KAZN: variants seen among roughly 807,000 people sequenced by gnomAD.
KAZN encodes kazrin, periplakin interacting protein.
A neutral mutation model predicts 87.4 loss-of-function variants in KAZN; 40 were observed. That is an observed-to-expected ratio of 0.46 (90% CI 0.36 to 0.60). The LOEUF (loss-of-function observed/expected upper bound fraction) is 0.60. Among genes scored for constraint, KAZN ranks in the 20% least tolerant of loss-of-function variants. KAZN has a pLI of 0.00. For missense variants in KAZN, 898 were observed against 1,073.9 expected (o/e 0.84, Z 2.29); for synonymous variants, 466 against 458.3 (o/e 1.02, Z -0.22).
chr1:13,900,362 A>G (rs1433574459), intron 1 of KAZN, among the ~76,000 whole-genome samples: 4 of 152,094 alleles, frequency 2.6e-5, no homozygotes, highest in Non-Finnish European at 5.9e-5. Context: ...CTCAGCCCCA[A>G]GGTAAAGTAT....
At chr1:14,122,309 C>A (rs1644768903) in intron 1 of KAZN, among the ~76,000 whole-genome samples, 2 of 152,168 alleles carry the variant, frequency 1.3e-5, no homozygotes, top group South Asian at 4.2e-4. Context: ...TTGAGTAATT[C>A]AATAAAACCC....
In KAZN at chr1:14,556,410, G is replaced by A. The variant is rs1409221100; in HGVS notation, c.250-42573G>A. Among the ~76,000 whole-genome samples, 4 of 152,020 alleles carry A rather than the reference G, an allele frequency of 2.6e-5. 1 individual carries two copies. The highest frequency in any genetic ancestry group is 3.9e-4 in the East Asian group (2 of 5,162). ...AGGTGTGAGCCCCCGTGCCCGGCGG[G>A]GGAAGAGCAGTTCTTAAGCACAGCA... On this transcript the variant is annotated intron_variant, in intron 2 of 16. Coordinates refer to the KAZN transcript ENST00000636203.
At chr1:14,924,468 C>A (rs1216752516) in intron 1 of KAZN, 1 of 991,088 alleles carries the variant, frequency 1.0e-6, no homozygotes, top group Non-Finnish European at 1.2e-6. Flanking sequence ...GCGCGGCCCC[C>A]GGGACCCGCA....
At chr1:14,308,696 T>C (rs1038152512) in intron 2 of KAZN, among the ~76,000 whole-genome samples, 4 of 152,186 alleles carry the variant, frequency 2.6e-5, no homozygotes, top group African/African-American at 7.2e-5. Flanking sequence ...AAAATGGAGA[T>C]GATAGAGTAC....
rs998303666 is a variant in KAZN, at chr1:14,764,090, G to A, written c.226+164867G>A. Among the ~76,000 whole-genome samples the A allele has an allele frequency of 3.3e-5, 5 of 152,194 alleles. No individual in the cohort carries two copies. The South Asian group carries it at 6.2e-4, about 19-fold the overall frequency. ...TTAATGTACTTGTTTACCTTCTTGCGAGTCAAATACATCACAGTCCCCAGG... is the reference window on the plus strand; with the variant it reads ...TTAATGTACTTGTTTACCTTCTTGCAAGTCAAATACATCACAGTCCCCAGG... On this transcript the variant is annotated intron_variant, in intron 1 of 14. Coordinates refer to ENST00000376030, the MANE Select transcript of KAZN (RefSeq NM_201628.3).
intron 1 of KAZN, among the ~76,000 whole-genome samples, chr1:14,081,927 C>A (rs1029617192): frequency 6.6e-6 from 1 of 152,000 alleles, no homozygotes; most frequent in African/African-American, 2.4e-5. Flanking sequence ...TGTGCCATCG[C>A]CCCCAGCTAA....
intron 1 of KAZN, among the ~76,000 whole-genome samples, chr1:14,707,164 G>A (rs1642254498): frequency 6.6e-6 from 1 of 152,218 alleles, no homozygotes; most frequent in East Asian, 1.9e-4. Context: ...CAGTACAACT[G>A]AGGGTGCAAA....
At chr1:14,140,672 T>G (rs1025928433) in intron 1 of KAZN, among the ~76,000 whole-genome samples, 2 of 152,148 alleles carry the variant, frequency 1.3e-5, no homozygotes, top group Non-Finnish European at 2.9e-5. Context: ...CCTGTAGTTC[T>G]TACACACGTG....
chr1:14,879,211 G>A (rs564179870), intron 1 of KAZN, among the ~76,000 whole-genome samples: 1 of 152,228 alleles, frequency 6.6e-6, no homozygotes, highest in Non-Finnish European at 1.5e-5. Context: ...CTGGAGCCTC[G>A]GTTCCTCATC....
intron 2 of KAZN, among the ~76,000 whole-genome samples, chr1:14,344,606 T>A (rs1319186878): frequency 6.6e-6 from 1 of 152,092 alleles, no homozygotes; most frequent in East Asian, 1.9e-4. Context: ...ATATATAGCA[T>A]GTCAGATTGT....
At chr1:14,438,095 CAAAAA>C (rs35260375) in intron 2 of KAZN, among the ~76,000 whole-genome samples, 1 of 134,038 alleles carries the variant, frequency 7.5e-6, no homozygotes, top group Non-Finnish European at 1.6e-5. Context: ...TCCCTAAAGC[CAAAAA>C]AAAAAAAAAA....
Position 14,002,582 on chromosome 1 carries a change from G to A in KAZN, c.91+108826G>A, listed in dbSNP as rs117261558. Reference sequence around the variant, plus strand: ...TCTTTTTGTTCCCGGTTTTGGGTGCGTCTTTATCAGCCGTGTGAAAATGAA... The same window carrying A: ...TCTTTTTGTTCCCGGTTTTGGGTGCATCTTTATCAGCCGTGTGAAAATGAA... On this transcript the variant is annotated intron_variant, in intron 1 of 16. Coordinates refer to the KAZN transcript ENST00000636203. Among the ~76,000 whole-genome samples the A allele has an allele frequency of 3.1e-4, 47 of 152,248 alleles. No homozygotes were observed. In the East Asian group the frequency reaches 6.8e-3, roughly 22 times the overall value.
At chr1:14,123,536 T>A (rs1204776161) in intron 1 of KAZN, among the ~76,000 whole-genome samples, 1 of 152,076 alleles carries the variant, frequency 6.6e-6, no homozygotes, top group Non-Finnish European at 1.5e-5. Context: ...GAATTCCAAA[T>A]ACAGAGAAGA....
rs562229023 is a variant in KAZN at position 14,069,445 on chromosome 1, C to A, written c.92-110990C>A. 4.6e-5 allele frequency among the ~76,000 whole-genome samples: 7 copies of A among 152,324 alleles called. 1 individual carries two copies. In the South Asian group the frequency reaches 1.2e-3, roughly 27 times the overall value. On this transcript the variant is annotated intron_variant, in intron 1 of 16. Coordinates refer to the KAZN transcript ENST00000636203. ...CGCTGGGACTCTGAAAACTTTCACTCAAGCTATAAAAGTAAGACCTGTTTA... is the reference window on the plus strand; with the variant it reads ...CGCTGGGACTCTGAAAACTTTCACTAAAGCTATAAAAGTAAGACCTGTTTA...
chr1:14,074,459 C>A (rs906474628), intron 1 of KAZN, among the ~76,000 whole-genome samples: 1 of 152,230 alleles, frequency 6.6e-6, no homozygotes, highest in Non-Finnish European at 1.5e-5. Context: ...AGCAATGGGA[C>A]CCTCTCCTGG....
chr1:14,922,690 G>A (rs1423634036), intron 1 of KAZN, among the ~76,000 whole-genome samples: 3 of 151,708 alleles, frequency 2.0e-5, no homozygotes, highest in African/African-American at 7.3e-5. Flanking sequence ...TACTCAGGAG[G>A]CTGAGGCAGG....
chr1:14,590,053 A>C (rs368587731), intron 2 of KAZN, among the ~76,000 whole-genome samples: 1 of 152,068 alleles, frequency 6.6e-6, no homozygotes, highest in Non-Finnish European at 1.5e-5. Flanking sequence ...CATCTTATGA[A>C]ACTCAGCTCC....
chr1:14,659,204 T>C (rs1306184029), intron 1 of KAZN, among the ~76,000 whole-genome samples: 1 of 152,034 alleles, frequency 6.6e-6, no homozygotes, highest in Non-Finnish European at 1.5e-5. Flanking sequence ...CTCCAGCCTG[T>C]GTGACAGATC....
At chr1:14,163,533 C>T (rs1346351916) in intron 1 of KAZN, among the ~76,000 whole-genome samples, 1 of 152,184 alleles carries the variant, frequency 6.6e-6, no homozygotes, top group Non-Finnish European at 1.5e-5. Context: ...CACCATTTTG[C>T]TTCTTAGTGC....
Sources: gnomAD v4.1 joint callset for allele counts (sites outside exome capture counted in the v4.1 genomes callset) on GRCh38, gnomAD v4.1.1 for gene constraint, MANE v1.5 for transcripts, NCBI Gene and HGNC (gene_info 2026-07-23, HGNC 2026-07-21) for gene names.